ARHGEF3: variants seen among roughly 807,000 people sequenced by gnomAD.
ARHGEF3 encodes the protein Rho guanine nucleotide exchange factor 3.
A neutral mutation model predicts 63.2 loss-of-function variants in ARHGEF3; 28 were observed. That is an observed-to-expected ratio of 0.44 (90% CI 0.33 to 0.61). The LOEUF (loss-of-function observed/expected upper bound fraction) is 0.61, where lower values mean the gene tolerates loss of function less well. Among genes scored for constraint, ARHGEF3 ranks in the 20% least tolerant of loss-of-function variants. The pLI is 0.03. For missense variants in ARHGEF3, 533 were observed against 659.3 expected (o/e 0.81, Z 2.10); for synonymous variants, 266 against 254.2 (o/e 1.05, Z -0.44).
chr3:56,948,245 A>C lies in ARHGEF3; in HGVS notation c.129+10578T>G, dbSNP rs530911234. On this transcript the variant is annotated intron_variant, in intron 3 of 12. Coordinates refer to the ARHGEF3 transcript ENST00000338458. ...TAGAGAAGCAAGAGCAAACACATTTAAAAGCTAGCAGAAAGCAAGAAATAA... is the reference window on the plus strand; with the variant it reads ...TAGAGAAGCAAGAGCAAACACATTTCAAAGCTAGCAGAAAGCAAGAAATAA... Among the ~76,000 whole-genome samples, 284 of 152,346 alleles carry C rather than the reference A, an allele frequency of 1.9e-3. 3 individuals are homozygous for C. The highest frequency in any genetic ancestry group is 6.5e-3 in the African/African-American group (271 of 41,574).
chr3:56,935,824 C>T (rs1409991730), intron 3 of ARHGEF3, among the ~76,000 whole-genome samples: 1 of 152,196 alleles, frequency 6.6e-6, no homozygotes, highest in Non-Finnish European at 1.5e-5. Flanking sequence ...CCACCAATTC[C>T]AGACACATTA....
chr3:56,906,707 G>GC lies in ARHGEF3; in HGVS notation c.130-24354dup, dbSNP rs200527044. Among the ~76,000 whole-genome samples, 50 of 151,826 alleles carry GC rather than the reference G, an allele frequency of 3.3e-4. 1 individual carries two copies. The East Asian group carries it at 9.6e-3, about 29-fold the overall frequency. On this transcript the variant is annotated intron_variant, in intron 3 of 12. Coordinates refer to the ARHGEF3 transcript ENST00000338458. Reference sequence around the variant, plus strand: ...AAAAATTAGCTGGGCGTGGTGGCAGGCCCCTGTAATCCCAGCTACTCGGGA... The same window carrying GC: ...AAAAATTAGCTGGGCGTGGTGGCAGGCCCCCTGTAATCCCAGCTACTCGGGA...
intron 2 of ARHGEF3, among the ~76,000 whole-genome samples, chr3:57,002,462 C>CTATATATATATATATATATATATATTT (rs1165862414): frequency 2.6e-5 from 1 of 38,686 alleles, no homozygotes; most frequent in African/African-American, 1.1e-4. Flanking sequence ...GTTCTAAGCA[C>CTATATATATATATATATATATATATTT]TATATATATA....
At chr3:56,957,266 T>C (rs950373281) in intron 3 of ARHGEF3, among the ~76,000 whole-genome samples, 2 of 152,348 alleles carry the variant, frequency 1.3e-5, no homozygotes, top group East Asian at 3.9e-4. Context: ...AGTTCCATGA[T>C]CTATATTTAT....
chr3:56,995,626 AGAGAGAGAG>A (rs1701945175), intron 2 of ARHGEF3, among the ~76,000 whole-genome samples: 1 of 31,532 alleles, frequency 3.2e-5, no homozygotes, highest in East Asian at 4.9e-3. Context: ...TTTCCGAGAG[AGAGAGAGAG>A]AGAGAGAGAG....
At chr3:56,837,213 C>G (rs904450545) in intron 4 of ARHGEF3, among the ~76,000 whole-genome samples, 1 of 152,114 alleles carries the variant, frequency 6.6e-6, no homozygotes, top group African/African-American at 2.4e-5. Context: ...ACTCCTATAA[C>G]CCAGAAAAGA....
chr3:56,729,004 C>G lies in ARHGEF3; in HGVS notation c.*266G>C. 1 of 366,078 alleles carries G rather than the reference C, an allele frequency of 2.7e-6. No individual in the cohort carries two copies. The highest frequency in any genetic ancestry group is 4.9e-6 in the Non-Finnish European group (1 of 204,182). 22.7% of individuals were successfully genotyped at this position (366,078 alleles called of 1,614,324 possible). On this transcript the variant is annotated 3_prime_UTR_variant, in exon 10 of 10. Coordinates refer to ENST00000296315, the MANE Select transcript of ARHGEF3 (RefSeq NM_019555.3). Reference sequence around the variant, plus strand: ...ATTTTTTTAAAATCCAGCAGGACAACTGAAAGTAACTTGTTTGAGTACCTC... The same window carrying G: ...ATTTTTTTAAAATCCAGCAGGACAAGTGAAAGTAACTTGTTTGAGTACCTC...
chr3:56,835,385 A>T (rs1468886520), intron 4 of ARHGEF3, among the ~76,000 whole-genome samples: 1 of 152,042 alleles, frequency 6.6e-6, no homozygotes, highest in Non-Finnish European at 1.5e-5. Flanking sequence ...CATGTTGGCC[A>T]AGCTGGTCTC....
At chr3:56,965,131 T>C (rs1700436369) in intron 2 of ARHGEF3, among the ~76,000 whole-genome samples, 1 of 152,294 alleles carries the variant, frequency 6.6e-6, no homozygotes, top group Admixed American at 6.5e-5. Context: ...AGCATGAGCC[T>C]ATAATCCCAG....
intron 2 of ARHGEF3, among the ~76,000 whole-genome samples, chr3:57,010,962 T>C (rs1200943402): frequency 6.6e-6 from 1 of 152,152 alleles, no homozygotes; most frequent in Non-Finnish European, 1.5e-5. Flanking sequence ...AAAAGGGTGT[T>C]AACAGGTGGC....
rs569128676 is a variant in ARHGEF3, at chr3:57,062,506, G to C, written c.-28+16720C>G. On this transcript the variant is annotated intron_variant, in intron 1 of 12. Transcript: ENST00000338458. ...GGGAAGCCTTTCAGAGAAGAGGGAA[G>C]GAAGCAGGGCAAGTGCCCAGCACAG... Among the ~76,000 whole-genome samples, 12 of 152,294 alleles carry C rather than the reference G, an allele frequency of 7.9e-5. No individual in the cohort carries two copies. In the South Asian group the frequency reaches 2.5e-3, roughly 32 times the overall value.
intron 1 of ARHGEF3, among the ~76,000 whole-genome samples, chr3:57,037,447 A>G (rs1458224699): frequency 6.6e-6 from 1 of 152,160 alleles, no homozygotes; most frequent in East Asian, 1.9e-4. Flanking sequence ...ACTCTCCTCA[A>G]AGCCACATTT....
At chr3:57,010,495 C>T (rs1434996763) in intron 2 of ARHGEF3, among the ~76,000 whole-genome samples, 2 of 149,862 alleles carry the variant, frequency 1.3e-5, no homozygotes, top group African/African-American at 4.9e-5. Flanking sequence ...AATTTATTTA[C>T]ATGTGCACTC....
intron 4 of ARHGEF3, among the ~76,000 whole-genome samples, chr3:56,872,720 G>A (rs1578729416): frequency 6.6e-6 from 1 of 152,016 alleles, no homozygotes; most frequent in Admixed American, 6.6e-5. Flanking sequence ...ATGTTGGCCA[G>A]GCTGGTCTCG....
At chr3:56,905,410 G>T (rs1295797189) in intron 3 of ARHGEF3, among the ~76,000 whole-genome samples, 1 of 152,198 alleles carries the variant, frequency 6.6e-6, no homozygotes, top group Non-Finnish European at 1.5e-5. Context: ...TCCATGCTAT[G>T]AAATAATCAA....
At chr3:56,774,825 G>C (rs564270308) in intron 1 of ARHGEF3, among the ~76,000 whole-genome samples, 30 of 152,200 alleles carry the variant, frequency 2.0e-4, no homozygotes, top group African/African-American at 7.0e-4. Context: ...CTGGGAGGTG[G>C]AGGTTCCAGT....
chr3:56,972,977 C>T (rs1700977739), intron 2 of ARHGEF3, among the ~76,000 whole-genome samples: 1 of 149,000 alleles, frequency 6.7e-6, no homozygotes, highest in Non-Finnish European at 1.5e-5. Context: ...AAGATGGTGG[C>T]AGTGGGGGTG....
At chr3:56,980,988 T>C (rs1314866777) in intron 2 of ARHGEF3, among the ~76,000 whole-genome samples, 2 of 152,216 alleles carry the variant, frequency 1.3e-5, no homozygotes, top group Non-Finnish European at 2.9e-5. Flanking sequence ...GGCTTTGAGA[T>C]GACTCACTCC....
chr3:57,033,773 G>T (rs78994244), intron 2 of ARHGEF3, among the ~76,000 whole-genome samples: 3 of 151,986 alleles, frequency 2.0e-5, no homozygotes, highest in Non-Finnish European at 4.4e-5. Context: ...GGCTGGGCGC[G>T]GTGGCTCATG....
Sources: allele counts gnomAD v4.1 joint callset (sites outside exome capture counted in the v4.1 genomes callset), GRCh38; gene constraint gnomAD v4.1.1; transcripts MANE v1.5; gene names NCBI Gene and HGNC (gene_info 2026-07-23, HGNC 2026-07-21).